PCNX1: variants seen among roughly 807,000 people sequenced by gnomAD.
The protein encoded by PCNX1 is pecanex 1.
In PCNX1, 78 loss-of-function variants were observed where a neutral mutation model predicts 242.2. The observed-to-expected ratio is 0.32, with a 90% CI of 0.27 to 0.39. PCNX1 has a LOEUF of 0.39. PCNX1 is among the 10% of genes least tolerant of loss of function. PCNX1 has a pLI of 1.00. For missense variants in PCNX1, 2,581 were observed against 2,856.5 expected (o/e 0.90, Z 2.20); for synonymous variants, 1,024 against 1,032.9 (o/e 0.99, Z 0.17).
intron 8 of PCNX1, among the ~76,000 whole-genome samples, chr14:71,007,024 A>G (rs1033399301): frequency 6.6e-6 from 1 of 152,186 alleles, no homozygotes; most frequent in Non-Finnish European, 1.5e-5. Flanking sequence ...GCACTGTTGA[A>G]GTCATGTACT....
chr14:71,095,337 G>T (rs1051340407), intron 30 of PCNX1, among the ~76,000 whole-genome samples: 1 of 152,244 alleles, frequency 6.6e-6, no homozygotes, highest in Middle Eastern at 3.4e-3. Flanking sequence ...TGGTACAGTG[G>T]ACTGTAAATG....
intron 2 of PCNX1, 116 bp downstream of exon 2, chr14:70,947,239 T>A (rs1278831108): frequency 2.7e-6 from 2 of 740,088 alleles, no homozygotes; most frequent in African/African-American, 3.5e-5. Flanking sequence ...CAGTGTTAGA[T>A]CTTACCACTG....
intron 26 of PCNX1, among the ~76,000 whole-genome samples, chr14:71,062,634 A>G (rs898940614): frequency 1.3e-5 from 2 of 152,162 alleles, no homozygotes; most frequent in African/African-American, 4.8e-5. Context: ...GAAAGTTTAT[A>G]AAGTAAAAAA....
chr14:70,920,916 G>A (rs1248801135), intron 1 of PCNX1, among the ~76,000 whole-genome samples: 1 of 152,116 alleles, frequency 6.6e-6, no homozygotes, highest in African/African-American at 2.4e-5. Context: ...CCTTTATGAG[G>A]TTATTTGTGC....
chr14:70,947,847 A>G (rs2057520329), intron 2 of PCNX1, among the ~76,000 whole-genome samples: 1 of 152,318 alleles, frequency 6.6e-6, no homozygotes, highest in Non-Finnish European at 1.5e-5. Flanking sequence ...ATATCGCTGA[A>G]TTCTTTTTCT....
chr14:71,067,819 T>G (rs544938577), intron 26 of PCNX1, among the ~76,000 whole-genome samples: 40 of 152,250 alleles, frequency 2.6e-4, no homozygotes, highest in African/African-American at 9.1e-4. Context: ...TTGTTCTTAT[T>G]GGTTTCAAAG....
chr14:71,003,146 C>A (rs1474870820), intron 8 of PCNX1, among the ~76,000 whole-genome samples: 1 of 133,562 alleles, frequency 7.5e-6, no homozygotes, highest in Non-Finnish European at 1.5e-5. Context: ...TGCAGTGATG[C>A]AATCTCAGCT....
intron 8 of PCNX1, among the ~76,000 whole-genome samples, chr14:71,003,266 T>C (rs1446072880): frequency 6.6e-6 from 1 of 151,952 alleles, no homozygotes; most frequent in Non-Finnish European, 1.5e-5. Flanking sequence ...TATTTTTGTA[T>C]TTTTAGTAGA....
At chr14:71,031,896 A>G in intron 16 of PCNX1, 1 of 1,455,032 alleles carries the variant, frequency 6.9e-7, no homozygotes, top group South Asian at 1.1e-5. Flanking sequence ...ATTTTCCAGC[A>G]GCCATCAGGG....
In PCNX1 at chr14:70,978,020, G is replaced by C. The variant is rs779926197; in HGVS notation, c.1683G>C (p.Arg561Ser). ...HRTASAHKSG[R>S]RRTGKKRASS... ...CAGCTTCTGCCCACAAGTCAGGCAG[G>C]AGACGCACAGGAAAAAAACGGGCTA... The change falls in exon 6 of 36, where the codon AGG becomes AGC. Residue 561 changes from arginine (R) to serine (S), a missense_variant. Around this residue, in one of 9 missense-constraint regions of PCNX1, gnomAD observed 1,204 missense variants for 1,216.7 expected, o/e 0.99. Transcript: ENST00000304743. 3.7e-6 allele frequency: 6 copies of C among 1,614,150 alleles called. No homozygotes were observed. The highest frequency in any genetic ancestry group is 5.1e-6 in the Non-Finnish European group (6 of 1,180,022).
chr14:70,916,721 T>C (rs1489725509), intron 1 of PCNX1, among the ~76,000 whole-genome samples: 2 of 152,222 alleles, frequency 1.3e-5, no homozygotes, highest in African/African-American at 4.8e-5. Context: ...TAAGTGTTGT[T>C]GACAGACCAG....
chr14:70,973,665 TAAC>T (rs990564358), intron 5 of PCNX1, among the ~76,000 whole-genome samples: 69 of 152,178 alleles, frequency 4.5e-4, no homozygotes, highest in Admixed American at 1.6e-3. Flanking sequence ...GTAAGAGATA[TAAC>T]AACATGTTTG....
intron 6 of PCNX1, among the ~76,000 whole-genome samples, chr14:70,978,945 A>AT (rs1442680105): frequency 6.6e-6 from 1 of 152,296 alleles, no homozygotes; most frequent in African/African-American, 2.4e-5. Flanking sequence ...AATAACAAAA[A>AT]TTAGCCCTCT....
chr14:71,086,607 T>C (rs1428570292), intron 28 of PCNX1, among the ~76,000 whole-genome samples: 1 of 152,244 alleles, frequency 6.6e-6, no homozygotes, highest in African/African-American at 2.4e-5. Flanking sequence ...CCAAGGTTTT[T>C]CGCTGTTCCT....
intron 2 of PCNX1, among the ~76,000 whole-genome samples, chr14:70,955,012 C>G (rs911729860): frequency 6.6e-6 from 1 of 152,160 alleles, no homozygotes; most frequent in African/African-American, 2.4e-5. Flanking sequence ...CATTGTGGCT[C>G]TCAGTTTGTT....
chr14:70,942,116 T>C (rs1290987109), intron 1 of PCNX1, among the ~76,000 whole-genome samples: 2 of 151,988 alleles, frequency 1.3e-5, no homozygotes, highest in East Asian at 3.9e-4. Context: ...TGGCTTACAC[T>C]CTGTGGGCTG....
intron 5 of PCNX1, among the ~76,000 whole-genome samples, chr14:70,974,231 GGTTT>G (rs960307915): frequency 2.0e-5 from 3 of 148,124 alleles, no homozygotes; most frequent in African/African-American, 7.4e-5. Flanking sequence ...CTGGAATTGT[GGTTT>G]TTTTTGTTGT....
At chr14:70,928,642 A>G (rs1594919795) in intron 1 of PCNX1, among the ~76,000 whole-genome samples, 1 of 152,302 alleles carries the variant, frequency 6.6e-6, no homozygotes, top group South Asian at 2.1e-4. Context: ...TTTACTAAGA[A>G]AATCACATAT....
At chr14:71,038,496 A>G (rs1323733491) in intron 19 of PCNX1, among the ~76,000 whole-genome samples, 3 of 151,956 alleles carry the variant, frequency 2.0e-5, no homozygotes, top group Non-Finnish European at 4.4e-5. Flanking sequence ...ACTGGCCATC[A>G]GAGAAATGCA....
Sources: allele counts gnomAD v4.1 joint callset (sites outside exome capture counted in the v4.1 genomes callset), GRCh38; gene constraint gnomAD v4.1.1; regional missense constraint gnomAD v4.1.1; transcripts MANE v1.5; gene names NCBI Gene and HGNC (gene_info 2026-07-23, HGNC 2026-07-21).